Variants in RIN3 observed in about 807,000 individuals in gnomAD.
RIN3 encodes RAB5 interacting protein 3.
RIN3 carries 54 observed loss-of-function variants against 76.3 expected under a neutral mutation model. That is an observed-to-expected ratio of 0.71 (90% CI 0.57 to 0.89). The LOEUF (loss-of-function observed/expected upper bound fraction) is 0.89, where lower values mean the gene tolerates loss of function less well. Ranked by LOEUF, RIN3 falls within the 40% of genes least tolerant of loss-of-function variation. The probability of loss-of-function intolerance (pLI) is 0.00; values close to 1 mark genes in which losing one functional copy is unlikely to be tolerated. For missense variants in RIN3, 1,256 were observed against 1,322.1 expected, an observed-to-expected ratio of 0.95 and a Z score of 0.78; for synonymous variants, 576 against 564.0, an observed-to-expected ratio of 1.02 and a Z score of -0.30.
intron 3 of RIN3, among the ~76,000 whole-genome samples, chr14:92,581,570 C>T (rs952025669): frequency 1.3e-5 from 2 of 152,248 alleles, no homozygotes; most frequent in East Asian, 1.9e-4. Context: ...ACTGTCTGAA[C>T]GTTCTGCCCA....
intron 2 of RIN3, among the ~76,000 whole-genome samples, chr14:92,557,591 T>C (rs1897630485): frequency 6.6e-6 from 1 of 152,216 alleles, no homozygotes; most frequent in African/African-American, 2.4e-5. Flanking sequence ...TACTAGAACT[T>C]ATGGGGCCTT....
At chr14:92,679,063 C>G (rs11620721) in intron 8 of RIN3, among the ~76,000 whole-genome samples, 43,507 of 152,148 alleles carry the variant, frequency 0.29, 7,073 homozygotes, top group Non-Finnish European at 0.36. Context: ...GGGTGAGAAA[C>G]AGAGAAGTTC....
chr14:92,527,046 CTTTTT>C (rs1215618245), intron 1 of RIN3, among the ~76,000 whole-genome samples: 1 of 109,996 alleles, frequency 9.1e-6, no homozygotes, highest in Admixed American at 9.2e-5. Context: ...TTCTCCCCAT[CTTTTT>C]TTTTTTTTTT....
chr14:92,658,309 C>T (rs534013381), intron 6 of RIN3, among the ~76,000 whole-genome samples: 1 of 152,368 alleles, frequency 6.6e-6, no homozygotes, highest in South Asian at 2.1e-4. Flanking sequence ...TGCGAGGCGA[C>T]TGCACCACAC....
intron 3 of RIN3, among the ~76,000 whole-genome samples, chr14:92,596,924 T>G (rs1249988338): frequency 6.6e-6 from 1 of 152,222 alleles, no homozygotes; most frequent in Non-Finnish European, 1.5e-5. Context: ...GTGAATCTCT[T>G]CCCAACTTGG....
At chr14:92,548,511 C>A (rs1010651886) in intron 1 of RIN3, among the ~76,000 whole-genome samples, 3 of 152,180 alleles carry the variant, frequency 2.0e-5, no homozygotes, top group Non-Finnish European at 4.4e-5. Context: ...GGCCAGAAAT[C>A]CAAAACCAAG....
chr14:92,521,262 C>T (rs901035736), intron 1 of RIN3, among the ~76,000 whole-genome samples: 1 of 152,164 alleles, frequency 6.6e-6, no homozygotes, highest in Admixed American at 6.5e-5. Context: ...TGCATCCATC[C>T]ATCCATCCAC....
chr14:92,556,956 C>CT (rs1897601784), intron 2 of RIN3, among the ~76,000 whole-genome samples: 1 of 152,100 alleles, frequency 6.6e-6, no homozygotes, highest in Non-Finnish European at 1.5e-5. Context: ...CAATGTGGTA[C>CT]AACCACCACC....
At chr14:92,563,258 G>A (rs745319684) in intron 2 of RIN3, among the ~76,000 whole-genome samples, 13 of 152,186 alleles carry the variant, frequency 8.5e-5, no homozygotes, top group African/African-American at 1.4e-4. Context: ...CTACTTGGGA[G>A]GCTGAGGCAG....
Position 92,652,462 on chromosome 14 carries a change from C to T in RIN3, c.1413C>T (p.Ala471=), listed in dbSNP as rs556644003. The change falls in exon 6 of 10, where the codon GCC becomes GCT. Residue 471 remains alanine (A), a synonymous_variant. Transcript: ENST00000216487. This position sits in a 1 kb window ranked among gnomAD's most constrained non-coding sequence, Gnocchi z 6.4. ...PRKKRISRQL[A]STLPAPLENA... is the part of the protein sequence containing the mutation. Reference sequence around the variant, plus strand: ...AAAAACGGATCTCTCGACAACTGGCCTCGACCCTCCCAGCTCCCTTAGAGA... The same window carrying T: ...AAAAACGGATCTCTCGACAACTGGCTTCGACCCTCCCAGCTCCCTTAGAGA... 4.7e-5 allele frequency: 76 copies of T among 1,614,106 alleles called. No homozygotes were observed. In the South Asian group the frequency reaches 7.9e-4, roughly 17 times the overall value.
At chr14:92,641,393 C>A in intron 5 of RIN3, 64 bp downstream of exon 5, 1 of 1,241,318 alleles carries the variant, frequency 8.1e-7, no homozygotes, top group Non-Finnish European at 1.2e-6. Flanking sequence ...CCTAGGACTG[C>A]CCCAGGGGCC....
intron 5 of RIN3, among the ~76,000 whole-genome samples, chr14:92,649,636 C>A (rs550954428): frequency 1.1e-3 from 174 of 152,328 alleles, no homozygotes; most frequent in African/African-American, 3.7e-3. Flanking sequence ...CATGGAGGAG[C>A]CATGCGCTGC....
At chr14:92,553,447 TG>T (rs960695222) in intron 1 of RIN3, among the ~76,000 whole-genome samples, 22 of 152,084 alleles carry the variant, frequency 1.4e-4, no homozygotes, top group Non-Finnish European at 4.4e-5. Context: ...GGGAAGTGGT[TG>T]CATCAGTATC....
chr14:92,627,132 G>A (rs74072997), intron 4 of RIN3, among the ~76,000 whole-genome samples: 5,827 of 152,182 alleles, frequency 0.038, 390 homozygotes, highest in African/African-American at 0.13. Flanking sequence ...GACTATCCCC[G>A]TCCTTACCTT....
intron 2 of RIN3, among the ~76,000 whole-genome samples, chr14:92,569,508 C>T (rs1004889793): frequency 2.6e-5 from 4 of 152,030 alleles, no homozygotes; most frequent in Non-Finnish European, 2.9e-5. Context: ...TGCTCAGGGC[C>T]GTCTGAGGGC....
chr14:92,684,181 ACCAGCATGG>A (rs1418672105), intron 8 of RIN3, among the ~76,000 whole-genome samples: 1 of 152,156 alleles, frequency 6.6e-6, no homozygotes, highest in Non-Finnish European at 1.5e-5. Flanking sequence ...GGCATTCAAG[ACCAGCATGG>A]CCAGCATGGC....
Position 92,659,483 on chromosome 14 carries a change from CG to C in RIN3, c.2335+17del. 1 of 1,581,228 alleles carries C rather than the reference CG, an allele frequency of 6.3e-7. No homozygotes were observed. The highest frequency in any genetic ancestry group is 2.2e-5 in the East Asian group (1 of 44,778). Reference sequence around the variant, plus strand: ...TCGGCAACCCAGGTCAGTGGGCAGCCGGGAGGGGTCTGGGTGAGGAGCTCTC... The same window carrying C: ...TCGGCAACCCAGGTCAGTGGGCAGCCGGAGGGGTCTGGGTGAGGAGCTCTC... On this transcript the variant is annotated intron_variant, in intron 7 of 9. Transcript: ENST00000216487.
At chr14:92,614,171 CT>C (rs1366885236) in intron 3 of RIN3, among the ~76,000 whole-genome samples, 6 of 152,352 alleles carry the variant, frequency 3.9e-5, no homozygotes, top group Non-Finnish European at 8.8e-5. Context: ...GCTTTGATCC[CT>C]CTTCCTTGCC....
At chr14:92,564,825 C>T (rs900934931) in intron 2 of RIN3, among the ~76,000 whole-genome samples, 19 of 152,004 alleles carry the variant, frequency 1.2e-4, no homozygotes, top group Non-Finnish European at 7.4e-5. Flanking sequence ...CGCACACACA[C>T]GCGCGCGCGC....
Sources: allele counts gnomAD v4.1 joint callset (sites outside exome capture counted in the v4.1 genomes callset), GRCh38; gene constraint gnomAD v4.1.1; non-coding constraint Gnocchi (gnomAD v3.1); transcripts MANE v1.5; gene names NCBI Gene and HGNC (gene_info 2026-07-23, HGNC 2026-07-21).